The following CCDC7 variants were observed in gnomAD, a reference collection of about 807,000 sequenced individuals.
CCDC7 encodes the protein coiled-coil domain containing 7.
CCDC7 carries 183 observed loss-of-function variants against 196.9 expected under a neutral mutation model. That is an observed-to-expected ratio of 0.93 (90% CI 0.82 to 1.05). CCDC7 has a LOEUF of 1.05. CCDC7 is among the 50% of genes least tolerant of loss of function. The probability of loss-of-function intolerance (pLI) is 0.00; values close to 1 mark genes in which losing one functional copy is unlikely to be tolerated. For synonymous variants in CCDC7, 525 were observed against 484.6 expected, an observed-to-expected ratio of 1.08 and a Z score of -1.10; for missense variants, 1,540 against 1,482.2, an observed-to-expected ratio of 1.04 and a Z score of -0.64.
At chr10:32,841,767 C>T (rs550912671) in intron 33 of CCDC7, among the ~76,000 whole-genome samples, 2 of 151,934 alleles carry the variant, frequency 1.3e-5, no homozygotes, top group East Asian at 3.9e-4. Flanking sequence ...ACACATAGAC[C>T]AATGGAACAG....
chr10:32,699,558 G>A (rs1386297902), intron 24 of CCDC7, among the ~76,000 whole-genome samples: 1 of 148,890 alleles, frequency 6.7e-6, no homozygotes, highest in Non-Finnish European at 1.5e-5. Context: ...TAATCCTTTG[G>A]GTATATACCC....
chr10:32,574,613 TAATC>T (rs1190456501), intron 16 of CCDC7: 3 of 584,234 alleles, frequency 5.1e-6, no homozygotes, highest in East Asian at 5.0e-5. Context: ...GGTAAATAGT[TAATC>T]AAACAATAGA....
intron 28 of CCDC7, among the ~76,000 whole-genome samples, chr10:32,761,140 T>C (rs1258138695): frequency 6.6e-6 from 1 of 152,034 alleles, no homozygotes; most frequent in Admixed American, 6.6e-5. Context: ...AAACAGACTT[T>C]AAACTAATAC....
chr10:32,597,957 C>A (rs2060583828), intron 18 of CCDC7, among the ~76,000 whole-genome samples: 1 of 152,194 alleles, frequency 6.6e-6, no homozygotes, highest in African/African-American at 2.4e-5. Flanking sequence ...GGGTCAGGGA[C>A]CCACTTGAGG....
intron 18 of CCDC7, among the ~76,000 whole-genome samples, chr10:32,593,879 G>A (rs2484272): frequency 0.34 from 52,368 of 151,912 alleles, 11,446 homozygotes; most frequent in Non-Finnish European, 0.5. Context: ...TATTATTTCC[G>A]AGGGCTCTAT....
chr10:32,578,633 A>C lies in CCDC7; in HGVS notation c.1455-4401A>C, dbSNP rs138983029. The stretch of plus-strand genomic sequence containing the variant: ...AAACTAATGCGGCTGCTGATCTGAC[A>C]GGAGGTGGAGCTCAGGTGGTAATGC... On this transcript the variant is annotated intron_variant, in intron 16 of 41. Transcript: ENST00000639629. Among the ~76,000 whole-genome samples the C allele has an allele frequency of 1.4e-3, 218 of 152,056 alleles. 1 individual carries two copies. Among genetic ancestry groups the C allele is most frequent in the Middle Eastern group, 3.4e-3 (1 of 294 alleles).
At chr10:32,584,336 G>A (rs763432932) in intron 18 of CCDC7, 32 bp downstream of exon 19, 12 of 1,326,508 alleles carry the variant, frequency 9.0e-6, no homozygotes, top group African/African-American at 1.5e-5. Context: ...AGATGAAAAT[G>A]TGATTGAATG....
chr10:32,444,031 T>C (rs1396513837), upstream of CCDC7, among the ~76,000 whole-genome samples: 1 of 152,238 alleles, frequency 6.6e-6, no homozygotes, highest in Non-Finnish European at 1.5e-5. Context: ...AATTGTATGT[T>C]GTCTGGGAAT....
intron 25 of CCDC7, among the ~76,000 whole-genome samples, chr10:32,721,728 T>C (rs2082439481): frequency 6.6e-6 from 1 of 152,134 alleles, no homozygotes; most frequent in South Asian, 2.1e-4. Flanking sequence ...CTTTGTACCT[T>C]GTCTGTATTC....
At chr10:32,482,620 G>C (rs1223507893) in intron 8 of CCDC7, among the ~76,000 whole-genome samples, 1 of 152,078 alleles carries the variant, frequency 6.6e-6, no homozygotes, top group Non-Finnish European at 1.5e-5. Context: ...TTAACATTAG[G>C]TATATCTCCA....
intron 28 of CCDC7, among the ~76,000 whole-genome samples, chr10:32,762,500 G>GA (rs2077613951): frequency 6.6e-6 from 1 of 151,496 alleles, no homozygotes; most frequent in African/African-American, 2.4e-5. Flanking sequence ...AACTTCTATG[G>GA]AATCACAAAA....
chr10:32,809,210 T>G (rs2086530465), intron 30 of CCDC7, among the ~76,000 whole-genome samples: 2 of 152,052 alleles, frequency 1.3e-5, no homozygotes, highest in Admixed American at 1.3e-4. Flanking sequence ...AACACAATAA[T>G]TCTTCAGCAA....
intron 31 of CCDC7, among the ~76,000 whole-genome samples, chr10:32,820,844 A>G (rs2090023039): frequency 6.6e-6 from 1 of 152,208 alleles, no homozygotes; most frequent in African/African-American, 2.4e-5. Flanking sequence ...TAAATGTTAG[A>G]CCTAAAACCA....
chr10:32,563,877 G>A (rs2056265991), intron 13 of CCDC7, among the ~76,000 whole-genome samples: 1 of 151,708 alleles, frequency 6.6e-6, no homozygotes, highest in African/African-American at 2.4e-5. Context: ...TACAAAATGG[G>A]AGAAAATTTT....
intron 28 of CCDC7, among the ~76,000 whole-genome samples, chr10:32,768,282 T>G (rs180895806): frequency 2.2e-4 from 34 of 152,236 alleles, no homozygotes; most frequent in African/African-American, 8.2e-4. Context: ...AGTATTTTAT[T>G]TGTAGCTATT....
chr10:32,487,383 C>T (rs868743761), intron 8 of CCDC7, among the ~76,000 whole-genome samples: 4 of 152,134 alleles, frequency 2.6e-5, no homozygotes, highest in Admixed American at 6.5e-5. Flanking sequence ...GTTAGCCATT[C>T]GTCTAATTGT....
At chr10:32,573,463 T>A (rs1020811319) in intron 16 of CCDC7, among the ~76,000 whole-genome samples, 1 of 152,178 alleles carries the variant, frequency 6.6e-6, no homozygotes, top group Admixed American at 6.5e-5. Flanking sequence ...TATGAAGACA[T>A]GGTAAGGCAG....
At chr10:32,762,282 A>C (rs953809224) in intron 28 of CCDC7, among the ~76,000 whole-genome samples, 10 of 151,858 alleles carry the variant, frequency 6.6e-5, no homozygotes, top group African/African-American at 1.9e-4. Flanking sequence ...GATGGTTTTG[A>C]ATGAGTGTGC....
At chr10:32,456,432 T>A in intron 3 of CCDC7, 98 bp downstream of exon 4, 1 of 944,378 alleles carries the variant, frequency 1.1e-6, no homozygotes, top group East Asian at 3.1e-5. Context: ...TTAATCTAGA[T>A]TCAGTGTCTT....
Sources: gnomAD v4.1 joint callset for allele counts (sites outside exome capture counted in the v4.1 genomes callset) on GRCh38, gnomAD v4.1.1 for gene constraint, MANE v1.5 for transcripts, NCBI Gene and HGNC (gene_info 2026-07-23, HGNC 2026-07-21) for gene names.